Variants in PLEKHG1 observed in about 807,000 individuals in gnomAD.
PLEKHG1 encodes pleckstrin homology domain-containing family G member 1.
In PLEKHG1, 44 loss-of-function variants were observed where a neutral mutation model predicts 100.8. The observed-to-expected ratio is 0.44, with a 90% CI of 0.34 to 0.56. The LOEUF (loss-of-function observed/expected upper bound fraction) is 0.56. PLEKHG1 is among the 20% of genes least tolerant of loss of function. PLEKHG1 has a pLI of 0.01. For missense variants in PLEKHG1, 1,545 were observed against 1,720.9 expected (o/e 0.90, Z 1.81); for synonymous variants, 640 against 662.5 (o/e 0.97, Z 0.52).
intron 5 of PLEKHG1, among the ~76,000 whole-genome samples, chr6:150,800,381 G>A (rs1289152824): frequency 1.3e-5 from 2 of 152,220 alleles, no homozygotes; most frequent in African/African-American, 4.8e-5. Flanking sequence ...ACTGCACAGA[G>A]ATACCCAGAT....
At chr6:150,610,589 A>T (rs1776784224) in intron 1 of PLEKHG1, among the ~76,000 whole-genome samples, 1 of 152,210 alleles carries the variant, frequency 6.6e-6, no homozygotes, top group African/African-American at 2.4e-5. Context: ...AATTCTGAGT[A>T]GGTAGCTAAA....
intron 3 of PLEKHG1, among the ~76,000 whole-genome samples, chr6:150,671,787 A>G (rs1779595079): frequency 6.6e-6 from 1 of 152,214 alleles, no homozygotes; most frequent in Non-Finnish European, 1.5e-5. Flanking sequence ...TGAATGAAAG[A>G]GTGAATGAAT....
intron 3 of PLEKHG1, among the ~76,000 whole-genome samples, chr6:150,777,763 A>C (rs1785073058): frequency 6.6e-6 from 1 of 150,554 alleles, no homozygotes; most frequent in Non-Finnish European, 1.5e-5. Flanking sequence ...CACACTACTC[A>C]CACTGATGCA....
chr6:150,763,050 G>A (rs1158247624), intron 2 of PLEKHG1, among the ~76,000 whole-genome samples: 5 of 42,848 alleles, frequency 1.2e-4, no homozygotes, highest in East Asian at 1.0e-3. Context: ...TTTTTGAGAC[G>A]GAGTTTTGTT....
At chr6:150,829,047 C>T (rs1776770503) in intron 14 of PLEKHG1, among the ~76,000 whole-genome samples, 1 of 152,138 alleles carries the variant, frequency 6.6e-6, no homozygotes, top group African/African-American at 2.4e-5. Context: ...CTCCTCTCTT[C>T]CCTCTCTAAT....
At chr6:150,658,551 G>A (rs1451178256) in intron 3 of PLEKHG1, among the ~76,000 whole-genome samples, 2 of 152,142 alleles carry the variant, frequency 1.3e-5, no homozygotes, top group Non-Finnish European at 2.9e-5. Context: ...CAAATCATTT[G>A]TCTATGGTTT....
At chr6:150,608,017 G>C (rs1157915456) in intron 1 of PLEKHG1, among the ~76,000 whole-genome samples, 1 of 152,100 alleles carries the variant, frequency 6.6e-6, no homozygotes, top group Non-Finnish European at 1.5e-5. Flanking sequence ...CAACTCAAAG[G>C]AACATCATTT....
intron 3 of PLEKHG1, among the ~76,000 whole-genome samples, chr6:150,780,703 C>G (rs1175939993): frequency 6.6e-6 from 1 of 152,154 alleles, no homozygotes; most frequent in African/African-American, 2.4e-5. Context: ...TAGTAATTCT[C>G]AATTGCTGAA....
intron 3 of PLEKHG1, among the ~76,000 whole-genome samples, chr6:150,777,830 A>C (rs959673249): frequency 2.0e-5 from 3 of 152,268 alleles, no homozygotes; most frequent in Non-Finnish European, 4.4e-5. Context: ...CCTGGTGCAC[A>C]TGTGCTGTTG....
intron 2 of PLEKHG1, among the ~76,000 whole-genome samples, chr6:150,741,224 T>C (rs6934528): frequency 0.21 from 32,619 of 152,110 alleles, 3,866 homozygotes; most frequent in Non-Finnish European, 0.27. Flanking sequence ...GTGGGCAGCA[T>C]TCGGTGAGAG....
chr6:150,705,609 C>T (rs1054585139), intron 3 of PLEKHG1, among the ~76,000 whole-genome samples: 7 of 152,240 alleles, frequency 4.6e-5, no homozygotes, highest in African/African-American at 1.7e-4. Flanking sequence ...CAATCCACCT[C>T]CAGTCTGGAG....
intron 3 of PLEKHG1, among the ~76,000 whole-genome samples, chr6:150,676,212 T>C (rs547487674): frequency 2.5e-3 from 387 of 152,300 alleles, no homozygotes; most frequent in Non-Finnish European, 4.0e-3. Context: ...ACAGCAACAA[T>C]TGGAGACTTA....
intron 1 of PLEKHG1, among the ~76,000 whole-genome samples, chr6:150,628,575 C>CACACACACACACACATACAT (rs754227842): frequency 7.3e-6 from 1 of 137,370 alleles, no homozygotes; most frequent in African/African-American, 2.7e-5. Context: ...CACACACACA[C>CACACACACACACACATACAT]ACCCCGTCCT....
intron 3 of PLEKHG1, among the ~76,000 whole-genome samples, chr6:150,709,435 G>A (rs927816505): frequency 3.3e-5 from 5 of 152,182 alleles, no homozygotes; most frequent in African/African-American, 1.2e-4. Context: ...GACCATAATC[G>A]TGGGACCATG....
intron 1 of PLEKHG1, 91 bp from the exon 3 acceptor site, chr6:150,733,493 T>C: frequency 8.8e-7 from 1 of 1,133,120 alleles, no homozygotes; most frequent in Non-Finnish European, 1.2e-6. Flanking sequence ...TTATTGACTG[T>C]ATTTATTTGA....
intron 2 of PLEKHG1, among the ~76,000 whole-genome samples, chr6:150,767,512 AAAGTT>A (rs1479854501): frequency 6.6e-6 from 1 of 152,232 alleles, no homozygotes; most frequent in East Asian, 1.9e-4. Flanking sequence ...GCCACTTGAG[AAAGTT>A]AATGATGAAA....
At chr6:150,757,913 G>C (rs57621942) in intron 2 of PLEKHG1, among the ~76,000 whole-genome samples, 1 of 151,700 alleles carries the variant, frequency 6.6e-6, no homozygotes, top group Non-Finnish European at 1.5e-5. Context: ...TCCATGTGTT[G>C]TTCAGCTCCC....
At chr6:150,709,447 T>G (rs1781162241) in intron 3 of PLEKHG1, among the ~76,000 whole-genome samples, 1 of 152,172 alleles carries the variant, frequency 6.6e-6, no homozygotes, top group South Asian at 2.1e-4. Context: ...GGGACCATGT[T>G]TTACAATTCT....
At chr6:150,784,286 C>T (rs1259886577) in intron 3 of PLEKHG1, among the ~76,000 whole-genome samples, 1 of 152,156 alleles carries the variant, frequency 6.6e-6, no homozygotes, top group Non-Finnish European at 1.5e-5. Flanking sequence ...TAAAAGCTTT[C>T]AGAATGGGCT....
Sources: gnomAD v4.1 joint callset for allele counts (sites outside exome capture counted in the v4.1 genomes callset) on GRCh38, gnomAD v4.1.1 for gene constraint, MANE v1.5 for transcripts, NCBI Gene and HGNC (gene_info 2026-07-23, HGNC 2026-07-21) for gene names.